The following TAP2 variants were observed in gnomAD, a reference collection of about 807,000 sequenced individuals.
TAP2 encodes antigen peptide transporter 2.
In TAP2, 49 loss-of-function variants were observed where a neutral mutation model predicts 74.7. That is an observed-to-expected ratio of 0.66 (90% CI 0.52 to 0.83). The LOEUF is 0.83. Among genes scored for constraint, TAP2 ranks in the 40% least tolerant of loss-of-function variants. TAP2 has a pLI of 0.00. For missense variants in TAP2, 739 were observed against 859.0 expected (o/e 0.86, Z 1.75); for synonymous variants, 306 against 368.4 (o/e 0.83, Z 1.94).
At position 32,832,410 on chromosome 6, in the gene TAP2, T is replaced by A; in HGVS notation, c.1195A>T (p.Met399Leu). 2 of 1,612,960 alleles carry A rather than the reference T, an allele frequency of 1.2e-6. No individual in the cohort carries two copies. The highest frequency in any genetic ancestry group is 1.7e-6 in the Non-Finnish European group (2 of 1,179,978). ...MLMLSCGLQQ[M>L]QDGELTQGSL... is the part of the protein sequence containing the mutation. ...CCCTGGGTGAGCTCCCCATCCTGCATCTGCTGCAGCCCACAGCTCAGCATC... is the reference window on the plus strand; with the variant it reads ...CCCTGGGTGAGCTCCCCATCCTGCAACTGCTGCAGCCCACAGCTCAGCATC... Residue 399 changes from methionine (M) to leucine (L), a missense_variant, in exon 7 of 12, where the codon ATG becomes TTG. By Grantham distance (15) the Met-to-Leu change is conservative. Transcript: ENST00000374897. This position sits in a 1 kb window ranked among gnomAD's most constrained non-coding sequence, Gnocchi z 5.9.
intron 8 of TAP2, 82 bp downstream of exon 8, chr6:32,830,536 C>A: frequency 6.2e-7 from 1 of 1,600,842 alleles, no homozygotes; most frequent in Admixed American, 1.7e-5. Flanking sequence ...TTCTCAGAGG[C>A]AAATGAACTA....
intron 10 of TAP2, 133 bp downstream of exon 10, chr6:32,829,797 G>C: frequency 7.9e-7 from 1 of 1,271,734 alleles, no homozygotes; most frequent in South Asian, 1.2e-5. Flanking sequence ...TGTGGGGAAG[G>C]AGACGTAGGA....
In TAP2 at chr6:32,833,913, C is replaced by A. The variant is rs550425573; in HGVS notation, c.946-1089G>T. ...AAAAAGGGGAATTCCCCTGCACAAG[C>A]TGTCTTTTCTCTTGTCTGCTGCCAT... On this transcript the variant is annotated intron_variant, in intron 5 of 11. Coordinates refer to ENST00000374897, the MANE Select transcript of TAP2 (RefSeq NM_001290043.2). 3.9e-5 allele frequency among the ~76,000 whole-genome samples: 6 copies of A among 152,336 alleles called. No homozygotes were observed. In the South Asian group the frequency reaches 8.3e-4, roughly 21 times the overall value.
chr6:32,832,728 C>T lies in TAP2; in HGVS notation c.1042G>A (p.Glu348Lys), dbSNP rs772670476. Residue 348 changes from glutamate (E) to lysine (K), a missense_variant, in exon 6 of 12, where the codon GAG (glutamate) becomes AAG (lysine). Physicochemically the swap from Glu to Lys is moderately conservative, Grantham distance 56. Transcript: ENST00000374897. This position sits in a 1 kb window ranked among gnomAD's most constrained non-coding sequence, Gnocchi z 5.9. ...GLQTVRSFGA[E>K]EHEVCRYKEA... is the part of the protein sequence containing the mutation. ...TTATAGCGACAGACTTCATGCTCCT[C>T]GGCCCCAAAACTGCGAACGGTCTGC... 34 of 1,612,990 alleles carry T rather than the reference C, an allele frequency of 2.1e-5. No homozygotes were observed. Among genetic ancestry groups the T allele is most frequent in the Non-Finnish European group, 5.1e-6 (6 of 1,180,052 alleles).
At chr6:32,824,882 T>C (rs13209654), downstream of TAP2, among the ~76,000 whole-genome samples, 8,733 of 152,124 alleles carry the variant, frequency 0.057, 339 homozygotes, top group Middle Eastern at 0.13. Context: ...TAGTCATTTT[T>C]ATTACTGATT....
At position 32,830,713 on chromosome 6, in the gene TAP2, G is replaced by T. The variant is rs996923638; in HGVS notation, c.1366C>A (p.Pro456Thr). 3 of 1,612,988 alleles carry T rather than the reference G, an allele frequency of 1.9e-6. No homozygotes were observed. The African/African-American group carries it at 4.0e-5, about 22-fold the overall frequency. Reference protein sequence around the residue: ...YMDRQPNLPSPGTLAPTTLQG... With the variant: ...YMDRQPNLPSTGTLAPTTLQG... The stretch of plus-strand genomic sequence containing the variant: ...AGAGTGGTGGGGGCAAGCGTGCCAG[G>T]TGAAGGCAGATTTGGCTGTCGGTCC... Residue 456 changes from proline (P) to threonine (T), a missense_variant, in exon 8 of 12, where the codon CCT becomes ACT. Physicochemically the swap from Pro to Thr is conservative, Grantham distance 38 (BLOSUM62 -1). Transcript: ENST00000374897.
intron 8 of TAP2, 29 bp downstream of exon 8, chr6:32,830,589 G>A (rs780696348): frequency 2.0e-5 from 32 of 1,612,668 alleles, no homozygotes; most frequent in Non-Finnish European, 2.6e-5. Flanking sequence ...AGAGAGCAAG[G>A]GTCCAGGTTT....
intron 5 of TAP2, among the ~76,000 whole-genome samples, chr6:32,834,356 C>T (rs1271240675): frequency 2.6e-5 from 4 of 152,222 alleles, no homozygotes; most frequent in Non-Finnish European, 5.9e-5. Flanking sequence ...GGCCTGAAGA[C>T]ATTACGCTAA....
chr6:32,830,035 T>G lies in TAP2; in HGVS notation c.1690A>C (p.Ile564Leu), dbSNP rs766885222. The change falls in exon 10 of 12, where the codon ATT becomes CTT. Residue 564 changes from isoleucine to leucine, a missense_variant. Physicochemically the swap from Ile to Leu is conservative, Grantham distance 5 (BLOSUM62 2). Transcript: ENST00000374897. ...VLFSGSVRNN[I>L]AYGLQSCEDD... ...TCGCAGCTCTGCAGCCCATAAGCAA[T>G]GTTGTTCCTCACAGAACCGGAGAAC... 6.2e-6 allele frequency: 10 copies of G among 1,612,944 alleles called. No homozygotes were observed. In the Admixed American group the frequency reaches 1.3e-4, roughly 22 times the overall value.
In TAP2 at chr6:32,828,393, T is replaced by C; in HGVS notation, c.*513A>G. ...GGATATAGGAAGGCAATCTCATGAA[T>C]ATTTATGTCATTTTTGGTTAATTTC... On this transcript the variant is annotated 3_prime_UTR_variant, in exon 12 of 12. Coordinates refer to ENST00000374897, the MANE Select transcript of TAP2 (RefSeq NM_001290043.2). The C allele has an allele frequency of 1.0e-6, 1 of 985,950 alleles. No homozygotes were observed. Among genetic ancestry groups the C allele is most frequent in the South Asian group, 4.7e-5 (1 of 21,316 alleles). 61.1% of individuals were successfully genotyped at this position (985,950 alleles called of 1,614,324 possible). A position where few individuals can be genotyped will look rare whatever the true frequency, so the allele number is the denominator to read the frequency against.
intron 5 of TAP2, among the ~76,000 whole-genome samples, chr6:32,833,871 C>T (rs779399652): frequency 1.2e-4 from 18 of 152,128 alleles, no homozygotes; most frequent in Non-Finnish European, 2.1e-4. Flanking sequence ...ATAAGTCTCA[C>T]GAGATATAAT....
Position 32,832,739 on chromosome 6 carries a change from C to T in TAP2, c.1031G>A (p.Ser344Asn). 1 of 1,613,158 alleles carries T rather than the reference C, an allele frequency of 6.2e-7. No individual in the cohort carries two copies. The highest frequency in any genetic ancestry group is 1.1e-5 in the South Asian group (1 of 91,088). Residue 344 changes from serine to asparagine, a missense_variant, in exon 6 of 12, where the codon AGT becomes AAT. Physicochemically the swap from Ser to Asn is conservative, Grantham distance 46. Transcript: ENST00000374897. The surrounding 1 kb of genome is among the most constrained non-coding windows in gnomAD (Gnocchi z 5.9). The stretch of plus-strand genomic sequence containing the variant: ...GACTTCATGCTCCTCGGCCCCAAAA[C>T]TGCGAACGGTCTGCAGCCCTCCAAC... Reference protein sequence around the residue: ...EAVGGLQTVRSFGAEEHEVCR... With the variant: ...EAVGGLQTVRNFGAEEHEVCR...
chr6:32,829,687 G>C, intron 10 of TAP2, 151 bp from the exon 11 acceptor site: 1 of 1,305,028 alleles, frequency 7.7e-7, no homozygotes, highest in East Asian at 2.4e-5. Flanking sequence ...GGGCCATGGG[G>C]TGGGGACCTG....
Position 32,838,248 on chromosome 6 carries a change from A to T in TAP2, c.-4-11T>A. 1 of 1,544,440 alleles carries T rather than the reference A, an allele frequency of 6.5e-7. No homozygotes were observed. Among genetic ancestry groups the T allele is most frequent in the East Asian group, 2.3e-5 (1 of 44,276 alleles). Reference sequence around the variant, plus strand: ...GGGAGCCGCATGGCTCTGTCAACGGATACGAGATGAGAAATCATGGGGGTG... The same window carrying T: ...GGGAGCCGCATGGCTCTGTCAACGGTTACGAGATGAGAAATCATGGGGGTG... On this transcript the variant is annotated splice_polypyrimidine_tract_variant and intron_variant, in intron 1 of 11. Coordinates refer to ENST00000374897, the MANE Select transcript of TAP2 (RefSeq NM_001290043.2).
chr6:32,832,538 T>A lies in TAP2; in HGVS notation c.1144-77A>T. On this transcript the variant is annotated intron_variant, in intron 6 of 11. Coordinates refer to ENST00000374897, the MANE Select transcript of TAP2 (RefSeq NM_001290043.2). This position sits in a 1 kb window ranked among gnomAD's most constrained non-coding sequence, Gnocchi z 5.9. Reference sequence around the variant, plus strand: ...CCTCTCTGCCTCTATGAGACTGAGCTGCAAAGGCCTCTAGAACCAGCTGTA... The same window carrying A: ...CCTCTCTGCCTCTATGAGACTGAGCAGCAAAGGCCTCTAGAACCAGCTGTA... 1 of 1,611,290 alleles carries A rather than the reference T, an allele frequency of 6.2e-7. No homozygotes were observed. The highest frequency in any genetic ancestry group is 8.5e-7 in the Non-Finnish European group (1 of 1,178,994).
Position 32,832,617 on chromosome 6 carries a change from G to A in TAP2, c.1143+10C>T, listed in dbSNP as rs575233279. 6.2e-7 allele frequency: 1 copy of A among 1,613,024 alleles called. No homozygotes were observed. The highest frequency in any genetic ancestry group is 2.2e-5 in the East Asian group (1 of 44,880). On this transcript the variant is annotated intron_variant, in intron 6 of 11. Coordinates refer to ENST00000374897, the MANE Select transcript of TAP2 (RefSeq NM_001290043.2). The surrounding 1 kb of genome is among the most constrained non-coding windows in gnomAD (Gnocchi z 5.9). ...CCTGGGCTCCTTTCACAACCACTCT[G>A]GTATCTTACCCTCCTTACGAGCAGG...
At chr6:32,821,996 A>G, downstream of TAP2, 1 of 384,654 alleles carries the variant, frequency 2.6e-6, no homozygotes, top group South Asian at 3.8e-5. Flanking sequence ...AAGAAACAAA[A>G]GAAATAGTTA....
intron 10 of TAP2, 111 bp from the exon 11 acceptor site, chr6:32,829,647 G>T: frequency 1.3e-6 from 2 of 1,534,552 alleles, no homozygotes; most frequent in East Asian, 2.3e-5. Flanking sequence ...AGGTGGGAGG[G>T]CCCAGTGCGG....
Position 32,828,806 on chromosome 6 carries a change from C to T in TAP2, c.*100G>A, listed in dbSNP as rs775459441. On this transcript the variant is annotated 3_prime_UTR_variant, in exon 12 of 12. Coordinates refer to ENST00000374897, the MANE Select transcript of TAP2 (RefSeq NM_001290043.2). Reference sequence around the variant, plus strand: ...AGGGAAACTCAAAGCAGGAACAGCTCTGGGTCCTGGAGACGCCCCTGAGAA... The same window carrying T: ...AGGGAAACTCAAAGCAGGAACAGCTTTGGGTCCTGGAGACGCCCCTGAGAA... 1 of 1,454,980 alleles carries T rather than the reference C, an allele frequency of 6.9e-7. No homozygotes were observed. Among genetic ancestry groups the T allele is most frequent in the South Asian group, 1.4e-5 (1 of 73,890 alleles). 90.1% of individuals were successfully genotyped at this position (1,454,980 alleles called of 1,614,324 possible).
Sources: gnomAD v4.1 joint callset for allele counts (sites outside exome capture counted in the v4.1 genomes callset) on GRCh38, gnomAD v4.1.1 for gene constraint, Gnocchi (gnomAD v3.1) non-coding constraint, MANE v1.5 for transcripts, NCBI Gene and HGNC (gene_info 2026-07-23, HGNC 2026-07-21) for gene names.